The following ZFP64 variants were observed in gnomAD, a reference collection of about 807,000 sequenced individuals.
The protein encoded by ZFP64 is zinc finger protein 64.
A neutral mutation model predicts 51.6 loss-of-function variants in ZFP64; 14 were observed. The observed-to-expected ratio is 0.27, with a 90% confidence interval of 0.18 to 0.42. The LOEUF is 0.42. Among genes scored for constraint, ZFP64 ranks in the 10% least tolerant of loss-of-function variants. The pLI, the probability that ZFP64 is intolerant of heterozygous loss-of-function variation, is 1.00. For synonymous variants in ZFP64, 375 were observed against 361.4 expected, an observed-to-expected ratio of 1.04 and a Z score of -0.43; for missense variants, 754 against 906.8, an observed-to-expected ratio of 0.83 and a Z score of 2.16.
intron 5 of ZFP64, among the ~76,000 whole-genome samples, chr20:52,102,852 T>C (rs2079068020): frequency 6.6e-6 from 1 of 152,248 alleles, no homozygotes; most frequent in Non-Finnish European, 1.5e-5. Context: ...GAGAACCTCA[T>C]GTATTAGTCA....
At position 52,152,792 on chromosome 20, in the gene ZFP64, G is replaced by C. The variant is rs1282576631; in HGVS notation, c.1400C>G (p.Pro467Arg). ...GAGGGGCGTGGCGGGCTGCTTGCTG[G>C]GGTCGATCTGAAACTGGAGAACGGT... ...DVTVLQFQID[P>R]SKQPATPLTV... The change falls in exon 6 of 6, where the codon CCC becomes CGC. Residue 467 changes from proline to arginine, a missense_variant. Transcript: ENST00000216923. The C allele has an allele frequency of 1.9e-6, 3 of 1,609,272 alleles. No homozygotes were observed.
chr20:52,129,683 T>G (rs1798267983), intron 5 of ZFP64, among the ~76,000 whole-genome samples: 1 of 152,138 alleles, frequency 6.6e-6, no homozygotes. Context: ...TGGACCTAAA[T>G]CTGGGAAGGC....
At position 52,152,371 on chromosome 20, in the gene ZFP64, C is replaced by A; in HGVS notation, c.1821G>T (p.Ser607=). Residue 607 remains serine, a synonymous_variant, in exon 6 of 6, where the codon TCG becomes TCT. Coordinates refer to ENST00000216923, the MANE Select transcript of ZFP64 (RefSeq NM_018197.3). ...GSGNQTFITS[S]GITCTDFEGL... ...CTTCAAAGTCAGTGCAAGTAATACC[C>A]GAACTGGTAATGAAAGTTTGATTGC... is the stretch of plus-strand genomic sequence containing the variant. The A allele has an allele frequency of 6.2e-7, 1 of 1,614,122 alleles. No homozygotes were observed. The highest frequency in any genetic ancestry group is 8.5e-7 in the Non-Finnish European group (1 of 1,180,036).
In ZFP64 at chr20:52,168,394, C is replaced by T. The variant is rs117305998; in HGVS notation, c.287-2369G>A. On this transcript the variant is annotated intron_variant, in intron 2 of 5. Transcript: ENST00000216923. ...TCTGGCTATTTCTCCTGGTTTCTCT[C>T]GCTCTGCTTGGTTCTCAAAGCATGG... 6.0e-4 allele frequency among the ~76,000 whole-genome samples: 91 copies of T among 152,330 alleles called. 5 individuals are homozygous for T. The East Asian group carries it at 0.017, about 28-fold the overall frequency.
Position 52,144,578 on chromosome 20 carries a change from C to CAAAAAAAAAAAAAAAA in ZFP64, c.763+15529_763+15544dup, listed in dbSNP as rs1156545584. 2.7e-3 allele frequency among the ~76,000 whole-genome samples: 63 copies of CAAAAAAAAAAAAAAAA among 23,326 alleles called. 15 individuals carry two copies. The highest frequency in any genetic ancestry group is 4.5e-3 in the Admixed American group (6 of 1,320). The allele number at this position is 23,326 out of a possible 152,430, so 15.3% of individuals were successfully genotyped here. On this transcript the variant is annotated intron_variant, in intron 5 of 8. Transcript: ENST00000361387. ...CTGGTGACAGAGCGAGACTCCGTCT[C>CAAAAAAAAAAAAAAAA]AAAAAAAAAAAAAAAAAAAAAAAAT... is the stretch of plus-strand genomic sequence containing the variant.
At chr20:52,089,175 C>G (rs554958509) in intron 7 of ZFP64, 7 of 369,008 alleles carry the variant, frequency 1.9e-5, no homozygotes, top group Admixed American at 1.8e-4. Context: ...ATCACTACCC[C>G]CTAGCCCAAC....
chr20:52,152,693 A>T lies in ZFP64; in HGVS notation c.1499T>A (p.Ile500Asn). ...CGCCTGGGGCACCTGATGCCCAACG[A>T]TGATTTTGACTCTTCCCTCGCTGAA... Reference protein sequence around the residue: ...PQFSEGRVKIIVGHQVPQANT... With the variant: ...PQFSEGRVKINVGHQVPQANT... Residue 500 changes from isoleucine to asparagine, a missense_variant, in exon 6 of 6, where the codon ATC becomes AAC. Ile to Asn is a moderately radical substitution (Grantham distance 149, BLOSUM62 -3). This residue lies in a region of ZFP64 where 428 missense variants were observed against 472.4 expected (regional missense o/e 0.91). Transcript: ENST00000216923. 21 of 1,549,556 alleles carry T rather than the reference A, an allele frequency of 1.4e-5. No individual in the cohort carries two copies. Among genetic ancestry groups the T allele is most frequent in the Non-Finnish European group, 1.8e-5 (21 of 1,148,234 alleles).
intron 5 of ZFP64, among the ~76,000 whole-genome samples, chr20:52,120,204 T>C (rs954953233): frequency 3.9e-5 from 6 of 152,164 alleles, no homozygotes; most frequent in Admixed American, 6.5e-5. Flanking sequence ...TCTTGGACTT[T>C]CCAGCCTCTA....
chr20:52,092,636 G>T (rs1025428134), intron 7 of ZFP64, among the ~76,000 whole-genome samples: 3 of 152,174 alleles, frequency 2.0e-5, no homozygotes, highest in African/African-American at 7.2e-5. Context: ...GATCCGCCTT[G>T]ACTTGAGGTC....
downstream of ZFP64, among the ~76,000 whole-genome samples, chr20:52,148,339 G>A (rs1018496048): frequency 6.6e-6 from 1 of 152,194 alleles, no homozygotes; most frequent in African/African-American, 2.4e-5. Context: ...CTTAAATTAG[G>A]ATTTCAGTTT....
chr20:52,188,991 G>A (rs1984179141), intron 1 of ZFP64, among the ~76,000 whole-genome samples: 1 of 151,626 alleles, frequency 6.6e-6, no homozygotes, highest in South Asian at 2.1e-4. Context: ...AAAAAAAAAA[G>A]ATAACTCGTG....
chr20:52,158,503 C>T (rs1002744277), intron 5 of ZFP64, among the ~76,000 whole-genome samples: 10 of 152,144 alleles, frequency 6.6e-5, no homozygotes, highest in Middle Eastern at 3.4e-3. Flanking sequence ...CTCAGGAGTT[C>T]GAGACCAGGC....
rs1980794499 is a variant in ZFP64 at position 52,151,523 on chromosome 20, T to C, written c.*623A>G. 1 of 985,562 alleles carries C rather than the reference T, an allele frequency of 1.0e-6. No individual in the cohort carries two copies. The highest frequency in any genetic ancestry group is 6.1e-5 in the Admixed American group (1 of 16,290). The allele number at this position is 985,562 out of a possible 1,614,324, so 61.1% of individuals were successfully genotyped here. On this transcript the variant is annotated 3_prime_UTR_variant, in exon 6 of 6. Coordinates refer to ENST00000216923, the MANE Select transcript of ZFP64 (RefSeq NM_018197.3). ...GTAATAAGATGGACAGAAACCTTTATTAGAGTTGGAAAATCAAGTTGGAAA... is the reference window on the plus strand; with the variant it reads ...GTAATAAGATGGACAGAAACCTTTACTAGAGTTGGAAAATCAAGTTGGAAA...
intron 5 of ZFP64, among the ~76,000 whole-genome samples, chr20:52,124,308 A>C (rs535946843): frequency 1.3e-5 from 2 of 152,276 alleles, no homozygotes; most frequent in South Asian, 4.1e-4. Context: ...AAGTTTTCTG[A>C]AAACACACAA....
intron 5 of ZFP64, among the ~76,000 whole-genome samples, chr20:52,132,875 T>TGGGC (rs1979788912): frequency 6.6e-6 from 1 of 150,544 alleles, no homozygotes; most frequent in African/African-American, 2.4e-5. Context: ...AGTGTTACCC[T>TGGGC]GATACCAAAA....
intron 5 of ZFP64, chr20:52,110,889 A>C (rs1234979443): frequency 7.5e-6 from 12 of 1,610,204 alleles, no homozygotes; most frequent in African/African-American, 1.3e-5. Flanking sequence ...CATCGCTGGA[A>C]GCCGAGTTTT....
chr20:52,084,556 G>A, exon 9 of ZFP64: 3 of 1,611,178 alleles, frequency 1.9e-6, no homozygotes, highest in Middle Eastern at 1.9e-4. Flanking sequence ...CTTCGGCTGA[G>A]CTAGAGGTCT....
chr20:52,168,586 T>C (rs942122577), intron 2 of ZFP64, among the ~76,000 whole-genome samples: 1 of 152,158 alleles, frequency 6.6e-6, no homozygotes, highest in Non-Finnish European at 1.5e-5. Flanking sequence ...TAAGAACCAT[T>C]AGCAGAGACC....
At chr20:52,089,703 T>C (rs1455048983) in intron 7 of ZFP64, among the ~76,000 whole-genome samples, 1 of 147,766 alleles carries the variant, frequency 6.8e-6, no homozygotes, top group African/African-American at 2.5e-5. Context: ...ATCGTGCCAC[T>C]GCACTCTAGC....
Sources: gnomAD v4.1 joint callset for allele counts (sites outside exome capture counted in the v4.1 genomes callset) on GRCh38, gnomAD v4.1.1 for gene constraint, gnomAD v4.1.1 regional missense constraint, MANE v1.5 for transcripts, NCBI Gene and HGNC (gene_info 2026-07-23, HGNC 2026-07-21) for gene names.